CCSER1: variants seen among roughly 807,000 people sequenced by gnomAD.
CCSER1 encodes coiled-coil serine rich protein 1, also known as serine-rich coiled-coil domain-containing protein 1.
CCSER1 carries 41 observed loss-of-function variants against 82.0 expected under a neutral mutation model. That is an observed-to-expected ratio of 0.50 (90% CI 0.39 to 0.65). The LOEUF (loss-of-function observed/expected upper bound fraction) is 0.65, where lower values mean the gene tolerates loss of function less well. Ranked by LOEUF, CCSER1 falls within the 30% of genes least tolerant of loss-of-function variation. CCSER1 has a pLI of 0.00. For synonymous variants in CCSER1, 414 were observed against 383.9 expected (o/e 1.08, Z -0.92); for missense variants, 1,119 against 1,064.2 (o/e 1.05, Z -0.72).
intron 10 of CCSER1, among the ~76,000 whole-genome samples, chr4:91,317,876 G>C (rs1486606483): frequency 2.0e-5 from 3 of 151,912 alleles, no homozygotes; most frequent in Non-Finnish European, 4.4e-5. Context: ...CAAAGGTAGA[G>C]TGAAAGCTGC....
intron 10 of CCSER1, among the ~76,000 whole-genome samples, chr4:91,313,336 C>T (rs2149255929): frequency 6.6e-6 from 1 of 151,900 alleles, no homozygotes; most frequent in African/African-American, 2.4e-5. Context: ...GCTTTTCACC[C>T]TTGGCTTCCT....
intron 10 of CCSER1, among the ~76,000 whole-genome samples, chr4:91,357,886 C>A (rs1267016833): frequency 1.5e-5 from 1 of 67,536 alleles, no homozygotes; most frequent in Non-Finnish European, 3.2e-5. Context: ...GCCCCCCCCC[C>A]CTTTTTTTTT....
chr4:91,155,516 G>T (rs1337343359), intron 10 of CCSER1, among the ~76,000 whole-genome samples: 1 of 151,900 alleles, frequency 6.6e-6, no homozygotes, highest in East Asian at 1.9e-4. Flanking sequence ...GGAGCCTGTA[G>T]CTCTATTGAG....
intron 6 of CCSER1, among the ~76,000 whole-genome samples, chr4:90,643,291 T>C (rs1295537579): frequency 1.3e-5 from 2 of 152,220 alleles, no homozygotes; most frequent in African/African-American, 4.8e-5. Flanking sequence ...TGTGTGTTGC[T>C]AGTTCCCATA....
intron 10 of CCSER1, among the ~76,000 whole-genome samples, chr4:91,330,274 A>T (rs1251746996): frequency 2.0e-5 from 3 of 152,106 alleles, no homozygotes; most frequent in Non-Finnish European, 4.4e-5. Flanking sequence ...CTTAGGAGGT[A>T]GTAGAAAAAT....
At chr4:90,906,691 A>G (rs1725524618) in intron 8 of CCSER1, among the ~76,000 whole-genome samples, 1 of 152,146 alleles carries the variant, frequency 6.6e-6, no homozygotes, top group Non-Finnish European at 1.5e-5. Flanking sequence ...AAAAATATCA[A>G]GCAAGTTAAA....
At chr4:90,312,721 C>T (rs1307778613) in intron 2 of CCSER1, 142 bp from the exon 3 acceptor site, 3 of 663,158 alleles carry the variant, frequency 4.5e-6, no homozygotes, top group Non-Finnish European at 7.7e-6. Context: ...GTGAACTAAA[C>T]TGATGCTATA....
chr4:90,627,990 A>T, intron 5 of CCSER1, 35 bp from the exon 6 acceptor site: 2 of 1,518,994 alleles, frequency 1.3e-6, no homozygotes, highest in South Asian at 1.1e-5. Context: ...AGCATGCTGC[A>T]CTGTAATTTT....
intron 6 of CCSER1, among the ~76,000 whole-genome samples, chr4:90,664,374 T>C (rs1731337965): frequency 6.6e-6 from 1 of 152,182 alleles, no homozygotes. Context: ...TGTTAATGTG[T>C]TCTCACAGGA....
At position 91,052,037 on chromosome 4, in the gene CCSER1, T is replaced by G. The variant is rs150048838; in HGVS notation, c.2173-33913T>G. ...CTTTATCTAAAATATTTTTTAAAAT[T>G]TATATGAGAAAATACAAGATAATTA... On this transcript the variant is annotated intron_variant, in intron 9 of 10. Coordinates refer to ENST00000509176, the MANE Select transcript of CCSER1 (RefSeq NM_001145065.2). Among the ~76,000 whole-genome samples, 5 of 152,162 alleles carry G rather than the reference T, an allele frequency of 3.3e-5. No individual in the cohort carries two copies. The East Asian group carries it at 9.6e-4, about 29-fold the overall frequency.
At position 91,146,842 on chromosome 4, in the gene CCSER1, A is replaced by G. The variant is rs1729591301; in HGVS notation, c.2217+60848A>G. Among the ~76,000 whole-genome samples, 5 of 152,166 alleles carry G rather than the reference A, an allele frequency of 3.3e-5. No homozygotes were observed. In the South Asian group the frequency reaches 1.0e-3, roughly 32 times the overall value. ...ACTTAGTAAATGGCACTTAAGAGTA[A>G]GGGTAGGCTCTTAGCTGCGTGCCTG... is the stretch of plus-strand genomic sequence containing the variant. On this transcript the variant is annotated intron_variant, in intron 10 of 10. Coordinates refer to ENST00000509176, the MANE Select transcript of CCSER1 (RefSeq NM_001145065.2).
intron 7 of CCSER1, among the ~76,000 whole-genome samples, chr4:90,760,555 T>C (rs1231677987): frequency 6.6e-6 from 1 of 152,072 alleles, no homozygotes; most frequent in Non-Finnish European, 1.5e-5. Context: ...TTGAATAAGC[T>C]GTTATTAATT....
At chr4:90,130,948 T>C (rs1218549907) in intron 1 of CCSER1, among the ~76,000 whole-genome samples, 1 of 152,106 alleles carries the variant, frequency 6.6e-6, no homozygotes, top group Non-Finnish European at 1.5e-5. Context: ...TAATTGTTAA[T>C]ATTTACACAT....
At chr4:90,409,950 T>C (rs565493382) in intron 4 of CCSER1, among the ~76,000 whole-genome samples, 2 of 151,308 alleles carry the variant, frequency 1.3e-5, no homozygotes, top group South Asian at 2.1e-4. Context: ...ACCAAGCAAA[T>C]GGAAAACAAA....
At chr4:91,468,925 A>T (rs1757108191) in intron 10 of CCSER1, among the ~76,000 whole-genome samples, 1 of 152,176 alleles carries the variant, frequency 6.6e-6, no homozygotes, top group Non-Finnish European at 1.5e-5. Context: ...TTTAAGGGAT[A>T]TTAGGCCAAA....
In CCSER1 at chr4:91,018,560, T is replaced by C. The variant is rs551683755; in HGVS notation, c.2173-67390T>C. 2.6e-5 allele frequency among the ~76,000 whole-genome samples: 4 copies of C among 152,194 alleles called. No homozygotes were observed. In the South Asian group the frequency reaches 8.3e-4, roughly 32 times the overall value. ...GTCCTTAATTGCTTTCTACAACCCT[T>C]AGGGTAACATAACTTTTCTTAACAT... On this transcript the variant is annotated intron_variant, in intron 9 of 10. Transcript: ENST00000509176.
In CCSER1 at chr4:91,152,978, A is replaced by G. The variant is rs536758953; in HGVS notation, c.2217+66984A>G. 2.9e-3 allele frequency among the ~76,000 whole-genome samples: 444 copies of G among 151,868 alleles called. 2 individuals are homozygous for G. Among genetic ancestry groups the G allele is most frequent in the African/African-American group, 0.01 (418 of 41,456 alleles). ...TCATTTCTACTTTGGTGAATCTAAC[A>G]ATTATGTGTCTTGGAGTTGCTCTTC... is the stretch of plus-strand genomic sequence containing the variant. On this transcript the variant is annotated intron_variant, in intron 10 of 10. Transcript: ENST00000509176.
At chr4:90,165,316 T>A (rs2153369863) in intron 1 of CCSER1, among the ~76,000 whole-genome samples, 1 of 152,178 alleles carries the variant, frequency 6.6e-6, no homozygotes. Context: ...AATTGATTCA[T>A]GTTCTTCAAA....
chr4:90,410,897 A>G (rs11725220), intron 4 of CCSER1, among the ~76,000 whole-genome samples: 15,220 of 152,200 alleles, frequency 0.1, 1,214 homozygotes, highest in East Asian at 0.36. Context: ...TAAAGAAGCA[A>G]AGAGAGAAGA....
Sources: gnomAD v4.1 joint callset for allele counts (sites outside exome capture counted in the v4.1 genomes callset) on GRCh38, gnomAD v4.1.1 for gene constraint, MANE v1.5 for transcripts, NCBI Gene and HGNC (gene_info 2026-07-23, HGNC 2026-07-21) for gene names.